DCDC1: variants seen among roughly 807,000 people sequenced by gnomAD.
The protein encoded by DCDC1 is doublecortin domain containing 1, also known as doublecortin domain-containing protein 1.
A neutral mutation model predicts 178.3 loss-of-function variants in DCDC1; 200 were observed. The ratio of observed to expected loss-of-function variants is 1.12; its 90% CI spans 1.00 to 1.26. The LOEUF is 1.26. DCDC1 is among the 50% of genes most tolerant of loss of function. The pLI is 0.00. For synonymous variants in DCDC1, 690 were observed against 604.8 expected, an observed-to-expected ratio of 1.14 and a Z score of -2.07; for missense variants, 1,983 against 1,749.2, an observed-to-expected ratio of 1.13 and a Z score of -2.38.
chr11:31,354,353 G>A (rs1377834197), intron 1 of DCDC1, among the ~76,000 whole-genome samples: 2 of 152,194 alleles, frequency 1.3e-5, no homozygotes, highest in Non-Finnish European at 2.9e-5. Flanking sequence ...TAGGTCACAT[G>A]GATGTGAGTA....
At chr11:30,917,479 T>C (rs1945925942) in intron 25 of DCDC1, among the ~76,000 whole-genome samples, 1 of 152,196 alleles carries the variant, frequency 6.6e-6, no homozygotes, top group Non-Finnish European at 1.5e-5. Context: ...CCTTAACTTT[T>C]CCAAGATTTC....
At chr11:31,117,468 G>A (rs1281111829) in intron 11 of DCDC1, among the ~76,000 whole-genome samples, 4 of 151,972 alleles carry the variant, frequency 2.6e-5, no homozygotes, top group Admixed American at 2.6e-4. Flanking sequence ...AGCAAAGGGT[G>A]GTAATAAGAG....
chr11:30,990,572 T>C (rs1247754447), intron 20 of DCDC1, among the ~76,000 whole-genome samples: 1 of 152,190 alleles, frequency 6.6e-6, no homozygotes, highest in Non-Finnish European at 1.5e-5. Context: ...GGAAAGGTGA[T>C]CTACAAGAGT....
chr11:30,887,124 T>C (rs1169258078), intron 36 of DCDC1, among the ~76,000 whole-genome samples: 2 of 152,202 alleles, frequency 1.3e-5, no homozygotes, highest in East Asian at 1.9e-4. Context: ...TTCTCTGTTG[T>C]AACTAATGAA....
At chr11:30,992,852 G>A (rs1951066741) in intron 20 of DCDC1, among the ~76,000 whole-genome samples, 1 of 152,078 alleles carries the variant, frequency 6.6e-6, no homozygotes, top group African/African-American at 2.4e-5. Context: ...TAAAATAAAA[G>A]TAGAGGAAAT....
At chr11:31,325,211 G>A (rs1256747675) in intron 3 of DCDC1, among the ~76,000 whole-genome samples, 1 of 152,076 alleles carries the variant, frequency 6.6e-6, no homozygotes, top group Non-Finnish European at 1.5e-5. Context: ...TTGGAGTGCT[G>A]GATATGAATA....
intron 9 of DCDC1, among the ~76,000 whole-genome samples, chr11:31,183,116 T>A (rs934703864): frequency 6.6e-6 from 1 of 152,058 alleles, no homozygotes; most frequent in Admixed American, 6.5e-5. Context: ...TTCTTAGAGA[T>A]CTACGAAGAG....
intron 9 of DCDC1, among the ~76,000 whole-genome samples, chr11:31,210,898 A>G (rs1266482880): frequency 6.6e-6 from 1 of 152,144 alleles, no homozygotes; most frequent in Non-Finnish European, 1.5e-5. Context: ...GGTAAGAGGC[A>G]CCTCCGGATT....
At chr11:31,343,049 T>A (rs887995327) in intron 1 of DCDC1, among the ~76,000 whole-genome samples, 2 of 152,130 alleles carry the variant, frequency 1.3e-5, no homozygotes, top group Admixed American at 1.3e-4. Context: ...GAGGATCTCT[T>A]GAGCCCAGTA....
intron 34 of DCDC1, among the ~76,000 whole-genome samples, chr11:30,898,492 G>C (rs1422366126): frequency 6.6e-6 from 1 of 152,184 alleles, no homozygotes; most frequent in African/African-American, 2.4e-5. Context: ...AGGTGAGAGA[G>C]AGGGAGATGC....
chr11:31,104,775 A>G (rs933829293), intron 13 of DCDC1, among the ~76,000 whole-genome samples: 7 of 152,110 alleles, frequency 4.6e-5, no homozygotes, highest in Admixed American at 1.3e-4. Context: ...AAGCCGTTCA[A>G]GAGGGAGAGA....
chr11:30,924,571 T>C (rs1031014960), intron 23 of DCDC1, among the ~76,000 whole-genome samples: 1 of 152,070 alleles, frequency 6.6e-6, no homozygotes, highest in East Asian at 1.9e-4. Flanking sequence ...AAATAGAGTG[T>C]ATGAAAAAAG....
intron 9 of DCDC1, among the ~76,000 whole-genome samples, chr11:31,180,286 T>G (rs936861996): frequency 6.6e-6 from 1 of 152,204 alleles, no homozygotes; most frequent in Non-Finnish European, 1.5e-5. Context: ...GAAGACAGGC[T>G]TTTGAATATT....
intron 2 of DCDC1, among the ~76,000 whole-genome samples, chr11:31,329,826 T>A (rs7929429): frequency 0.29 from 43,550 of 152,192 alleles, 6,370 homozygotes; most frequent in African/African-American, 0.33. Context: ...TGGTCCCAAG[T>A]CTTTGCTATT....
chr11:31,325,269 G>T (rs1453410243), intron 3 of DCDC1, among the ~76,000 whole-genome samples: 2 of 152,082 alleles, frequency 1.3e-5, no homozygotes, highest in Non-Finnish European at 2.9e-5. Flanking sequence ...AACTGATTCT[G>T]TCATCCATGT....
chr11:31,262,959 C>A, intron 8 of DCDC1: 1 of 1,387,958 alleles, frequency 7.2e-7, no homozygotes, highest in Admixed American at 2.0e-5. Flanking sequence ...AAACAGAGGG[C>A]AAGGCATGCA....
At chr11:31,365,586 A>T (rs955658029) in intron 1 of DCDC1, among the ~76,000 whole-genome samples, 1 of 152,148 alleles carries the variant, frequency 6.6e-6, no homozygotes, top group Non-Finnish European at 1.5e-5. Flanking sequence ...GACTAGTATG[A>T]CATCAAATTA....
chr11:31,052,517 A>G (rs1228292812), intron 20 of DCDC1, among the ~76,000 whole-genome samples: 9 of 152,212 alleles, frequency 5.9e-5, no homozygotes, highest in Non-Finnish European at 1.2e-4. Context: ...ACAGATATAT[A>G]CAGAACATTT....
intron 9 of DCDC1, among the ~76,000 whole-genome samples, chr11:31,181,136 A>G (rs910925637): frequency 6.6e-6 from 1 of 152,176 alleles, no homozygotes; most frequent in Non-Finnish European, 1.5e-5. Flanking sequence ...CAGCTCAGCA[A>G]AGCCACGGTG....
Sources: gnomAD v4.1 joint callset for allele counts (sites outside exome capture counted in the v4.1 genomes callset) on GRCh38, gnomAD v4.1.1 for gene constraint, MANE v1.5 for transcripts, NCBI Gene and HGNC (gene_info 2026-07-23, HGNC 2026-07-21) for gene names.